The following DCHS2 variants were observed in gnomAD, a reference collection of about 807,000 sequenced individuals.
The protein encoded by DCHS2 is dachsous cadherin-related 2.
Under a neutral mutation model 182.4 loss-of-function variants are expected in DCHS2, and 142 were observed. The ratio of observed to expected loss-of-function variants is 0.78; its 90% CI spans 0.68 to 0.89. DCHS2 has a LOEUF of 0.89. Ranked by LOEUF, DCHS2 falls within the 40% of genes least tolerant of loss-of-function variation. The pLI is 0.00. For missense variants in DCHS2, 4,319 were observed against 4,198.6 expected (o/e 1.03, Z -0.79); for synonymous variants, 1,740 against 1,663.3 (o/e 1.05, Z -1.12).
At chr4:154,391,207 A>G in intron 1 of DCHS2, 1 of 1,613,776 alleles carries the variant, frequency 6.2e-7, no homozygotes, top group African/African-American at 1.3e-5. Flanking sequence ...TACACCTCAT[A>G]TACACAGGCA....
intron 9 of DCHS2, among the ~76,000 whole-genome samples, chr4:154,317,049 T>A (rs1308394819): frequency 6.6e-6 from 1 of 152,216 alleles, no homozygotes; most frequent in Non-Finnish European, 1.5e-5. Context: ...TTTTCAATAA[T>A]TACTCATCAC....
At chr4:154,287,493 A>T (rs959015814) in intron 13 of DCHS2, among the ~76,000 whole-genome samples, 1 of 152,232 alleles carries the variant, frequency 6.6e-6, no homozygotes, top group South Asian at 2.1e-4. Context: ...TTCTTTAAAA[A>T]TTTTTGATAA....
chr4:154,258,367 C>CTTTTTTTTTTTTTTTTTTTTTTTTTT (rs771510956), intron 15 of DCHS2, among the ~76,000 whole-genome samples: 1 of 58,838 alleles, frequency 1.7e-5, no homozygotes, highest in African/African-American at 7.3e-5. Context: ...AAAAGAAAGG[C>CTTTTTTTTTTTTTTTTTTTTTTTTTT]TTTTTTTTTT....
chr4:154,256,022 G>A (rs77502517), intron 15 of DCHS2, among the ~76,000 whole-genome samples: 6,882 of 152,110 alleles, frequency 0.045, 491 homozygotes, highest in African/African-American at 0.16. Flanking sequence ...CAAGTAAAGG[G>A]AAAAAATGTT....
At chr4:154,407,717 T>C (rs951828224) in intron 1 of DCHS2, among the ~76,000 whole-genome samples, 2 of 152,148 alleles carry the variant, frequency 1.3e-5, no homozygotes, top group South Asian at 4.1e-4. Flanking sequence ...GGTACAGTGC[T>C]TCCCATAAGT....
chr4:154,343,247 A>G (rs1296049446), intron 3 of DCHS2, among the ~76,000 whole-genome samples: 3 of 152,192 alleles, frequency 2.0e-5, no homozygotes, highest in Non-Finnish European at 4.4e-5. Flanking sequence ...TAGATACAGT[A>G]TATTTCTTAA....
intron 13 of DCHS2, chr4:154,284,328 G>C (rs1483215350): frequency 1.3e-5 from 2 of 152,166 alleles, no homozygotes; most frequent in African/African-American, 2.4e-5. Flanking sequence ...TTAATAAGGA[G>C]GTTGAGCAAG....
chr4:154,331,528 C>A (rs1736524291), intron 5 of DCHS2: 1 of 1,544,430 alleles, frequency 6.5e-7, no homozygotes, highest in Non-Finnish European at 8.8e-7. Context: ...AGCTTGCAAC[C>A]TTCTTGGCAA....
chr4:154,375,367 C>A (rs940444751), intron 2 of DCHS2, among the ~76,000 whole-genome samples: 4 of 151,866 alleles, frequency 2.6e-5, no homozygotes, highest in African/African-American at 7.3e-5. Flanking sequence ...TCAAAAGAAA[C>A]CATTAAGAAT....
In DCHS2 at chr4:154,256,918, T is replaced by C. The variant is rs1052787864; in HGVS notation, c.6790-1248A>G. On this transcript the variant is annotated intron_variant, in intron 15 of 19. Transcript: ENST00000357232. Reference sequence around the variant, plus strand: ...CGAAAGGCTGCAATATGCAGTTTCCTTTGGGATCACCAAGAAAAGAAACCA... The same window carrying C: ...CGAAAGGCTGCAATATGCAGTTTCCCTTGGGATCACCAAGAAAAGAAACCA... Among the ~76,000 whole-genome samples, 3 of 152,278 alleles carry C rather than the reference T, an allele frequency of 2.0e-5. No homozygotes were observed. In the East Asian group the frequency reaches 5.8e-4, roughly 29 times the overall value.
chr4:154,411,211 A>T lies in DCHS2; in HGVS notation c.2053-33767T>A, dbSNP rs75359699. ...GGTCAAATACATAGTGATAGAGAAT[A>T]AAACAGTGGTTATCAGGGTAGAATA... On this transcript the variant is annotated intron_variant, in intron 1 of 19. Transcript: ENST00000357232. Among the ~76,000 whole-genome samples the T allele has an allele frequency of 5.6e-3, 853 of 151,114 alleles. 5 individuals carry two copies. The highest frequency in any genetic ancestry group is 9.6e-3 in the Non-Finnish European group (653 of 67,896).
intron 3 of DCHS2, among the ~76,000 whole-genome samples, chr4:154,348,969 T>A (rs182527523): frequency 6.6e-6 from 1 of 152,040 alleles, no homozygotes; most frequent in African/African-American, 2.4e-5. Context: ...TGTTGATCTT[T>A]TTTGGATTCA....
chr4:154,351,977 T>A (rs1729639318), intron 3 of DCHS2, among the ~76,000 whole-genome samples: 13 of 152,052 alleles, frequency 8.5e-5, no homozygotes, highest in Admixed American at 8.5e-4. Context: ...TATTAGGCAA[T>A]TTAATCACAG....
At chr4:154,455,415 A>T (rs936475220) in intron 1 of DCHS2, among the ~76,000 whole-genome samples, 1 of 152,226 alleles carries the variant, frequency 6.6e-6, no homozygotes, top group African/African-American at 2.4e-5. Context: ...AATTGCTTGG[A>T]TCCTGTCTTT....
Position 154,490,357 on chromosome 4 carries a change from G to T in DCHS2, c.999C>A (p.Tyr333Ter), listed in dbSNP as rs1256360654. The T allele has an allele frequency of 1.3e-6, 2 of 1,538,822 alleles. No individual in the cohort carries two copies. The highest frequency in any genetic ancestry group is 1.7e-6 in the Non-Finnish European group (2 of 1,145,524). The change falls in exon 1 of 20, where the codon TAC becomes TAA. Residue 333 changes from tyrosine (Y) to a stop codon, truncating the protein, a stop_gained. Coordinates refer to ENST00000357232, the MANE Select transcript of DCHS2 (RefSeq NM_001358235.2). LOFTEE classifies it high-confidence loss of function. Reference protein sequence around the residue: ...RDLGPNGFVRYSVRARQVPGA... With the variant: ...RDLGPNGFVR ...CAGGCACTTGCCGGGCGCGGACGCT[G>T]TAGCGCACGAAGCCATTGGGCCCCA... is the stretch of plus-strand genomic sequence containing the variant.
intron 2 of DCHS2, among the ~76,000 whole-genome samples, chr4:154,367,197 CT>C (rs1429764947): frequency 2.6e-5 from 4 of 152,206 alleles, no homozygotes. Flanking sequence ...GGACATGGTT[CT>C]TCCTCACAGG....
chr4:154,303,407 TAAAA>T (rs752227471), intron 12 of DCHS2, among the ~76,000 whole-genome samples: 1 of 145,180 alleles, frequency 6.9e-6, no homozygotes, highest in Non-Finnish European at 1.5e-5. Context: ...TGTTACTCTT[TAAAA>T]AAAGTTTAGT....
intron 1 of DCHS2, among the ~76,000 whole-genome samples, chr4:154,384,888 C>T (rs1035716415): frequency 2.2e-4 from 28 of 127,226 alleles, no homozygotes; most frequent in South Asian, 1.2e-3. Flanking sequence ...GAATAATTTC[C>T]GCTGTTTTTT....
intron 3 of DCHS2, among the ~76,000 whole-genome samples, chr4:154,341,230 G>A (rs1400903395): frequency 6.6e-6 from 1 of 151,968 alleles, no homozygotes; most frequent in Non-Finnish European, 1.5e-5. Flanking sequence ...TTAGCCGGGC[G>A]TGGTGGCGGG....
Sources: gnomAD v4.1 joint callset for allele counts (sites outside exome capture counted in the v4.1 genomes callset) on GRCh38, gnomAD v4.1.1 for gene constraint, MANE v1.5 for transcripts, NCBI Gene and HGNC (gene_info 2026-07-23, HGNC 2026-07-21) for gene names.